The following PCGF5 variants were observed in gnomAD, a reference collection of about 807,000 sequenced individuals.
PCGF5 encodes polycomb group RING finger protein 5.
PCGF5 carries 9 observed loss-of-function variants against 44.3 expected under a neutral mutation model. That is an observed-to-expected ratio of 0.20 (90% CI 0.12 to 0.35). The LOEUF (loss-of-function observed/expected upper bound fraction) is 0.35. PCGF5 is among the 10% of genes least tolerant of loss of function. The pLI is 1.00. For missense variants in PCGF5, 146 were observed against 305.3 expected (o/e 0.48, Z 3.89); for synonymous variants, 95 against 102.5 (o/e 0.93, Z 0.44).
intron 1 of PCGF5, among the ~76,000 whole-genome samples, chr10:91,182,262 C>A (rs989948444): frequency 6.6e-6 from 1 of 151,952 alleles, no homozygotes; most frequent in African/African-American, 2.4e-5. Context: ...TTCAGGGATT[C>A]AGTTTCTTCC....
intron 6 of PCGF5, among the ~76,000 whole-genome samples, chr10:91,256,376 A>G (rs1048924548): frequency 1.2e-4 from 18 of 152,176 alleles, no homozygotes; most frequent in African/African-American, 4.3e-4. Context: ...AGTTAAATGA[A>G]TTGAGATTAT....
chr10:91,253,144 C>A (rs906339369), intron 6 of PCGF5, among the ~76,000 whole-genome samples: 3 of 151,810 alleles, frequency 2.0e-5, no homozygotes, highest in Non-Finnish European at 4.4e-5. Flanking sequence ...TTTAGGAGAT[C>A]TTCTCCATTT....
At chr10:91,192,568 T>G (rs1844052595) in intron 1 of PCGF5, among the ~76,000 whole-genome samples, 1 of 152,218 alleles carries the variant, frequency 6.6e-6, no homozygotes, top group Non-Finnish European at 1.5e-5. Flanking sequence ...ATTTATTTAT[T>G]CAAGAAATAC....
rs1846470195 is a variant in PCGF5 at position 91,282,164 on chromosome 10, A to C, written c.*3848A>C. Reference sequence around the variant, plus strand: ...TTTCTCTATATTCAAAATATTTCATAAGGACCTGTGGTTTTTTTCCCCTTA... The same window carrying C: ...TTTCTCTATATTCAAAATATTTCATCAGGACCTGTGGTTTTTTTCCCCTTA... On this transcript the variant is annotated 3_prime_UTR_variant, in exon 10 of 10. Coordinates refer to ENST00000336126, the MANE Select transcript of PCGF5 (RefSeq NM_032373.5). 6.6e-6 allele frequency: 1 copy of C among 152,206 alleles called. No homozygotes were observed. Among genetic ancestry groups the C allele is most frequent in the Admixed American group, 6.5e-5 (1 of 15,278 alleles). The allele number at this position is 152,206 out of a possible 1,614,324, so 9.4% of individuals were successfully genotyped here.
chr10:91,256,863 A>G (rs1564652303), intron 6 of PCGF5, among the ~76,000 whole-genome samples: 1 of 152,098 alleles, frequency 6.6e-6, no homozygotes, highest in Non-Finnish European at 1.5e-5. Context: ...TCCAAAAGGA[A>G]GGAGAAATTA....
Position 91,278,562 on chromosome 10 carries a change from T to A in PCGF5, c.*246T>A, listed in dbSNP as rs2133476572. On this transcript the variant is annotated 3_prime_UTR_variant, in exon 10 of 10. Transcript: ENST00000336126. Reference sequence around the variant, plus strand: ...GTGTTGTCTCAAAGTGTGCAAGTCATGGTAAAAATCAGTTAGCTGTGCCGC... The same window carrying A: ...GTGTTGTCTCAAAGTGTGCAAGTCAAGGTAAAAATCAGTTAGCTGTGCCGC... 1 of 444,144 alleles carries A rather than the reference T, an allele frequency of 2.3e-6. No homozygotes were observed. The allele number at this position is 444,144 out of a possible 1,614,324, so 27.5% of individuals were successfully genotyped here.
At chr10:91,207,160 A>G (rs1844362924) in intron 1 of PCGF5, among the ~76,000 whole-genome samples, 1 of 152,190 alleles carries the variant, frequency 6.6e-6, no homozygotes, top group South Asian at 2.1e-4. Context: ...CCTTTTAAAG[A>G]GGAATTTTTT....
chr10:91,156,921 C>A, the PCGF5 span, among the ~76,000 whole-genome samples: 2 of 152,174 alleles, frequency 1.3e-5, no homozygotes, highest in Non-Finnish European at 2.9e-5. Flanking sequence ...CTACTATATA[C>A]TAAGTTATTT....
intron 1 of PCGF5, among the ~76,000 whole-genome samples, chr10:91,182,390 AG>A (rs1432784805): frequency 1.3e-5 from 2 of 152,010 alleles, no homozygotes; most frequent in Admixed American, 6.6e-5. Flanking sequence ...TATTTCTGTG[AG>A]GTCAGTGGTA....
At chr10:91,195,041 C>A (rs992355678) in intron 1 of PCGF5, among the ~76,000 whole-genome samples, 1 of 151,842 alleles carries the variant, frequency 6.6e-6, no homozygotes. Flanking sequence ...TCTGATGACT[C>A]AGTTTTCTCA....
chr10:91,195,148 A>G (rs1302690061), intron 1 of PCGF5, among the ~76,000 whole-genome samples: 3 of 152,084 alleles, frequency 2.0e-5, no homozygotes, highest in Admixed American at 2.0e-4. Flanking sequence ...AAATTGGGAG[A>G]TTAGTAGAAG....
intron 1 of PCGF5, among the ~76,000 whole-genome samples, chr10:91,198,770 C>T (rs1016413207): frequency 3.3e-5 from 5 of 152,198 alleles, no homozygotes; most frequent in East Asian, 1.9e-4. Context: ...TGTCATACCA[C>T]GGGGCAGTAC....
At chr10:91,237,804 A>C (rs888323998) in intron 2 of PCGF5, among the ~76,000 whole-genome samples, 3 of 152,060 alleles carry the variant, frequency 2.0e-5, no homozygotes, top group African/African-American at 7.2e-5. Context: ...CATTCACCAG[A>C]ATAGGCAGGT....
intron 1 of PCGF5, among the ~76,000 whole-genome samples, chr10:91,183,472 G>T (rs575794984): frequency 6.6e-6 from 1 of 151,850 alleles, no homozygotes; most frequent in Admixed American, 6.6e-5. Flanking sequence ...TCCATGTGAG[G>T]TAGGTCTCTT....
chr10:91,201,189 G>C (rs141437321), intron 1 of PCGF5, among the ~76,000 whole-genome samples: 1 of 152,162 alleles, frequency 6.6e-6, no homozygotes, highest in Admixed American at 6.5e-5. Flanking sequence ...TATTGCTTAC[G>C]TATCTGGAGG....
chr10:91,263,730 C>T lies in PCGF5; in HGVS notation c.574-701C>T, dbSNP rs189358150. Among the ~76,000 whole-genome samples the T allele has an allele frequency of 9.3e-4, 142 of 152,260 alleles. 2 individuals are homozygous for T. The highest frequency in any genetic ancestry group is 1.6e-3 in the Non-Finnish European group (111 of 68,028). ...TCTTGCAACTTCGAGCAAAACTTAA[C>T]GCTGATAAGTATGCTTTTTTGAAGC... On this transcript the variant is annotated intron_variant, in intron 7 of 9. Coordinates refer to ENST00000336126, the MANE Select transcript of PCGF5 (RefSeq NM_032373.5).
chr10:91,181,116 T>C (rs958314038), intron 1 of PCGF5, among the ~76,000 whole-genome samples: 25 of 152,306 alleles, frequency 1.6e-4, no homozygotes, highest in Middle Eastern at 3.4e-3. Flanking sequence ...CAATTGTGCA[T>C]GGGAGTTCAT....
intron 5 of PCGF5, among the ~76,000 whole-genome samples, chr10:91,250,847 T>C (rs1371408666): frequency 6.6e-6 from 1 of 151,860 alleles, no homozygotes; most frequent in Non-Finnish European, 1.5e-5. Context: ...ATTTGAAATT[T>C]TGAGAACTTA....
intron 1 of PCGF5, among the ~76,000 whole-genome samples, chr10:91,213,805 CACATTAAGTGTTATGTACT>C (rs1242658710): frequency 6.6e-6 from 1 of 152,042 alleles, no homozygotes; most frequent in Non-Finnish European, 1.5e-5. Context: ...TTTAATGTGC[CACATTAAGTGTTATGTACT>C]ACATGTTAAA....
Sources: gnomAD v4.1 joint callset for allele counts (sites outside exome capture counted in the v4.1 genomes callset) on GRCh38, gnomAD v4.1.1 for gene constraint, MANE v1.5 for transcripts, NCBI Gene and HGNC (gene_info 2026-07-23, HGNC 2026-07-21) for gene names.